The following PLEKHG1 variants were observed in gnomAD, a reference collection of about 807,000 sequenced individuals.
PLEKHG1 encodes the protein pleckstrin homology domain-containing family G member 1.
Under a neutral mutation model 100.8 loss-of-function variants are expected in PLEKHG1, and 44 were observed. The observed-to-expected ratio is 0.44, with a 90% CI of 0.34 to 0.56. The LOEUF (loss-of-function observed/expected upper bound fraction) is 0.56, where lower values mean the gene tolerates loss of function less well. PLEKHG1 is among the 20% of genes least tolerant of loss of function. The pLI, the probability that PLEKHG1 is intolerant of heterozygous loss-of-function variation, is 0.01. For missense variants in PLEKHG1, 1,545 were observed against 1,720.9 expected (o/e 0.90, Z 1.81); for synonymous variants, 640 against 662.5 (o/e 0.97, Z 0.52).
intron 2 of PLEKHG1, among the ~76,000 whole-genome samples, chr6:150,638,805 G>A (rs1331649231): frequency 6.6e-6 from 1 of 152,164 alleles, no homozygotes; most frequent in African/African-American, 2.4e-5. Flanking sequence ...CAAAATAGAA[G>A]CTATTAGAAT....
chr6:150,836,662 T>G (rs1200463758), intron 15 of PLEKHG1, among the ~76,000 whole-genome samples: 1 of 151,456 alleles, frequency 6.6e-6, no homozygotes, highest in African/African-American at 2.4e-5. Context: ...ACAAAAAATT[T>G]AAAAGTTAAA....
At chr6:150,785,445 A>C (rs887438577) in intron 3 of PLEKHG1, among the ~76,000 whole-genome samples, 1 of 152,228 alleles carries the variant, frequency 6.6e-6, no homozygotes, top group Admixed American at 6.5e-5. Flanking sequence ...CATATGTAGA[A>C]TTTTATCCAA....
chr6:150,737,070 C>T (rs1019743838), intron 2 of PLEKHG1, among the ~76,000 whole-genome samples: 25 of 152,260 alleles, frequency 1.6e-4, no homozygotes, highest in African/African-American at 6.0e-4. Flanking sequence ...TTACCCTGTC[C>T]TCCTAGAAAA....
At chr6:150,705,787 G>A (rs1562449764) in intron 3 of PLEKHG1, among the ~76,000 whole-genome samples, 2 of 152,126 alleles carry the variant, frequency 1.3e-5, no homozygotes, top group African/African-American at 4.8e-5. Context: ...GAAAGACTTG[G>A]GTATGTCTAC....
intron 3 of PLEKHG1, among the ~76,000 whole-genome samples, chr6:150,661,217 G>A (rs1249123480): frequency 1.3e-5 from 2 of 152,124 alleles, no homozygotes; most frequent in Admixed American, 6.5e-5. Flanking sequence ...CTGGTCCAGC[G>A]CTCACTAACA....
At chr6:150,685,757 G>T (rs905903797) in intron 3 of PLEKHG1, among the ~76,000 whole-genome samples, 5 of 152,156 alleles carry the variant, frequency 3.3e-5, no homozygotes, top group Admixed American at 1.3e-4. Context: ...ATTTAAATGT[G>T]ATCAGTTTTA....
chr6:150,801,432 CTTTTCT>C (rs1244705670), intron 6 of PLEKHG1, among the ~76,000 whole-genome samples: 1,557 of 125,820 alleles, frequency 0.012, 21 homozygotes, highest in African/African-American at 0.043. Context: ...TTTTTCTTTT[CTTTTCT>C]TTTTTTTTTT....
In PLEKHG1 at chr6:150,778,517, C is replaced by A. The variant is rs79606220; in HGVS notation, c.513-7873C>A. Among the ~76,000 whole-genome samples, 1,162 of 152,298 alleles carry A rather than the reference C, an allele frequency of 7.6e-3. 12 individuals carry two copies. The highest frequency in any genetic ancestry group is 0.026 in the African/African-American group (1,094 of 41,568). On this transcript the variant is annotated intron_variant, in intron 3 of 15. Transcript: ENST00000358517. ...GAGAACCTTCCCTGACTGTCCCAAC[C>A]TTCTTTCACCCTCGCCCAGCCTCAG... is the stretch of plus-strand genomic sequence containing the variant.
chr6:150,705,192 T>C (rs1010695768), intron 3 of PLEKHG1, among the ~76,000 whole-genome samples: 2 of 152,228 alleles, frequency 1.3e-5, no homozygotes, highest in Non-Finnish European at 2.9e-5. Flanking sequence ...ACCATTATGA[T>C]AATTGATGTA....
In PLEKHG1 at chr6:150,636,292, T is replaced by A. The variant is rs7764924; in HGVS notation, c.-203-1788T>A. Among the ~76,000 whole-genome samples the A allele has an allele frequency of 2.4e-3, 368 of 150,284 alleles. 2 individuals are homozygous for A. The highest frequency in any genetic ancestry group is 6.6e-3 in the African/African-American group (271 of 41,038). On this transcript the variant is annotated intron_variant, in intron 1 of 3. Transcript: ENST00000367326. The stretch of plus-strand genomic sequence containing the variant: ...ATTGTATGTAACTCATGACTTTTTT[T>A]AAAAAAAAAAGCTAGTGTAACACAT...
chr6:150,795,401 A>C (rs1786266070), intron 4 of PLEKHG1, among the ~76,000 whole-genome samples: 1 of 151,706 alleles, frequency 6.6e-6, no homozygotes, highest in Admixed American at 6.6e-5. Flanking sequence ...ATCTCAAAAA[A>C]AAAAAAAGTA....
intron 1 of PLEKHG1, among the ~76,000 whole-genome samples, chr6:150,729,449 G>A (rs1455278066): frequency 6.6e-6 from 1 of 152,104 alleles, no homozygotes; most frequent in Non-Finnish European, 1.5e-5. Context: ...GTTAATAATT[G>A]GTGAGTTGCA....
chr6:150,776,613 G>A (rs558718112), intron 3 of PLEKHG1, among the ~76,000 whole-genome samples: 3 of 137,470 alleles, frequency 2.2e-5, no homozygotes, highest in Admixed American at 1.4e-4. Flanking sequence ...CAGTCCTGGT[G>A]CACATGTGCG....
intron 1 of PLEKHG1, among the ~76,000 whole-genome samples, chr6:150,635,534 T>C (rs1461088610): frequency 1.3e-5 from 2 of 152,216 alleles, no homozygotes; most frequent in African/African-American, 4.8e-5. Context: ...CTGTCTTCAC[T>C]TATAGGACAA....
At chr6:150,634,948 A>C (rs565717918) in intron 1 of PLEKHG1, among the ~76,000 whole-genome samples, 1 of 152,186 alleles carries the variant, frequency 6.6e-6, no homozygotes, top group Non-Finnish European at 1.5e-5. Context: ...TTTTTGGGGG[A>C]TGTAGAAACT....
chr6:150,704,407 A>G (rs139887064), intron 3 of PLEKHG1, among the ~76,000 whole-genome samples: 43 of 152,300 alleles, frequency 2.8e-4, no homozygotes, highest in African/African-American at 1.0e-3. Context: ...ATTCCTGCCT[A>G]GTTCTATTCA....
At chr6:150,688,721 C>A (rs1780234560) in intron 3 of PLEKHG1, among the ~76,000 whole-genome samples, 1 of 152,046 alleles carries the variant, frequency 6.6e-6, no homozygotes, top group South Asian at 2.1e-4. Flanking sequence ...TGCAAGGTAA[C>A]AAAGTAAAAA....
At chr6:150,789,177 A>G (rs567369557) in intron 4 of PLEKHG1, among the ~76,000 whole-genome samples, 190 of 152,314 alleles carry the variant, frequency 1.2e-3, no homozygotes, top group African/African-American at 4.3e-3. Context: ...GTCAGCACTG[A>G]TTATATCATA....
chr6:150,832,961 G>A (rs1036210252), intron 15 of PLEKHG1, among the ~76,000 whole-genome samples: 3 of 151,438 alleles, frequency 2.0e-5, no homozygotes, highest in African/African-American at 4.9e-5. Flanking sequence ...ACAGGTGTGA[G>A]CCACCACGCC....
Sources: allele counts gnomAD v4.1 joint callset (sites outside exome capture counted in the v4.1 genomes callset), GRCh38; gene constraint gnomAD v4.1.1; transcripts MANE v1.5; gene names NCBI Gene and HGNC (gene_info 2026-07-23, HGNC 2026-07-21).